ZBTB20: variants seen among roughly 807,000 people sequenced by gnomAD.
The protein encoded by ZBTB20 is zinc finger and BTB domain containing 20.
In ZBTB20, 9 loss-of-function variants were observed where a neutral mutation model predicts 56.9. The ratio of observed to expected loss-of-function variants is 0.16; its 90% CI spans 0.10 to 0.28. The LOEUF (loss-of-function observed/expected upper bound fraction) is 0.28. Ranked by LOEUF, ZBTB20 falls within the 10% of genes least tolerant of loss-of-function variation. The pLI is 1.00. For synonymous variants in ZBTB20, 417 were observed against 420.7 expected, an observed-to-expected ratio of 0.99 and a Z score of 0.11; for missense variants, 655 against 1,003.0, an observed-to-expected ratio of 0.65 and a Z score of 4.69.
At chr3:114,921,539 G>A (rs2075959261) in intron 3 of ZBTB20, among the ~76,000 whole-genome samples, 1 of 152,034 alleles carries the variant, frequency 6.6e-6, no homozygotes, top group South Asian at 2.1e-4. Flanking sequence ...CTCATTTCAA[G>A]GCCAGCATTG....
chr3:115,064,296 A>T (rs993645122), intron 2 of ZBTB20, among the ~76,000 whole-genome samples: 1 of 152,060 alleles, frequency 6.6e-6, no homozygotes, highest in African/African-American at 2.4e-5. Context: ...GACGTAGCAT[A>T]CCCTTGAAAC....
rs544590002 is a variant in ZBTB20, at chr3:114,588,424, C to T, written c.-294-88033G>A. Among the ~76,000 whole-genome samples the T allele has an allele frequency of 1.1e-4, 17 of 152,270 alleles. No homozygotes were observed. The East Asian group carries it at 1.9e-3, about 17-fold the overall frequency. On this transcript the variant is annotated intron_variant, in intron 6 of 11. Coordinates refer to ENST00000675478, the MANE Select transcript of ZBTB20 (RefSeq NM_001348800.3). The stretch of plus-strand genomic sequence containing the variant: ...CTGAACATTATGTGTGGAATGGCTC[C>T]TTTCCTTGATGGGTGGCAAATAATA...
At chr3:114,577,404 A>C (rs1321565208) in intron 6 of ZBTB20, among the ~76,000 whole-genome samples, 1 of 152,222 alleles carries the variant, frequency 6.6e-6, no homozygotes, top group East Asian at 1.9e-4. Flanking sequence ...AAAAAACATA[A>C]TAAAGAGAGA....
intron 2 of ZBTB20, among the ~76,000 whole-genome samples, chr3:115,015,484 G>A (rs1270194198): frequency 1.3e-5 from 2 of 151,480 alleles, no homozygotes; most frequent in East Asian, 3.9e-4. Context: ...AAACCCCTGA[G>A]AGGCCCCAGT....
At chr3:114,808,905 G>T (rs904321488) in intron 4 of ZBTB20, among the ~76,000 whole-genome samples, 11 of 148,072 alleles carry the variant, frequency 7.4e-5, no homozygotes, top group Non-Finnish European at 1.5e-5. Flanking sequence ...GTTTATTTGG[G>T]ATATCTTTAT....
intron 3 of ZBTB20, among the ~76,000 whole-genome samples, chr3:114,908,281 C>A (rs2107696317): frequency 1.3e-5 from 2 of 151,962 alleles, no homozygotes; most frequent in Admixed American, 1.3e-4. Context: ...AATATATAAA[C>A]ATCAAATACA....
chr3:114,337,454 A>C lies in ZBTB20; in HGVS notation c.*1551T>G, dbSNP rs1220868622. On this transcript the variant is annotated 3_prime_UTR_variant, in exon 12 of 12. Transcript: ENST00000675478. ...AGAAATTCTAGAATTGTAAGATCTC[A>C]ATGAAATTTTGGAGAAGCAAGCAAT... is the stretch of plus-strand genomic sequence containing the variant. The C allele has an allele frequency of 2.0e-5, 3 of 152,374 alleles. No individual in the cohort carries two copies. In the East Asian group the frequency reaches 5.8e-4, roughly 29 times the overall value. 9.4% of individuals were successfully genotyped at this position (152,374 alleles called of 1,614,324 possible).
chr3:114,765,094 T>C (rs1032913988), intron 5 of ZBTB20, among the ~76,000 whole-genome samples: 2 of 152,070 alleles, frequency 1.3e-5, no homozygotes, highest in Non-Finnish European at 2.9e-5. Context: ...GAGGGAGAAA[T>C]AAAAGTATGC....
chr3:115,071,462 A>T (rs2082406312), intron 1 of ZBTB20, 48 bp from the exon 2 acceptor site: 1 of 152,168 alleles, frequency 6.6e-6, no homozygotes, highest in Non-Finnish European at 1.5e-5. Context: ...GCCAAAAAAA[A>T]TTTCAACTAT....
intron 4 of ZBTB20, among the ~76,000 whole-genome samples, chr3:114,805,777 G>A (rs1454331077): frequency 6.6e-6 from 1 of 151,722 alleles, no homozygotes; most frequent in Non-Finnish European, 1.5e-5. Flanking sequence ...CCTAGACCCA[G>A]ACAACAAATA....
chr3:114,969,169 T>C (rs76338469), intron 3 of ZBTB20, among the ~76,000 whole-genome samples: 2,748 of 152,264 alleles, frequency 0.018, 78 homozygotes, highest in African/African-American at 0.06. Context: ...TCAACAGTTA[T>C]CTATAACATC....
intron 3 of ZBTB20, among the ~76,000 whole-genome samples, chr3:114,929,365 G>A (rs927186115): frequency 6.6e-6 from 1 of 152,198 alleles, no homozygotes; most frequent in Admixed American, 6.5e-5. Flanking sequence ...TGGGCAGAAG[G>A]CCAGGACCCA....
intron 2 of ZBTB20, among the ~76,000 whole-genome samples, chr3:114,976,832 T>C (rs571910370): frequency 1.3e-5 from 2 of 152,270 alleles, no homozygotes; most frequent in African/African-American, 4.8e-5. Flanking sequence ...GTTCCTTAAA[T>C]AGTGCCTAGC....
intron 5 of ZBTB20, among the ~76,000 whole-genome samples, chr3:114,760,463 G>A (rs1010754768): frequency 6.6e-6 from 1 of 152,124 alleles, no homozygotes; most frequent in Non-Finnish European, 1.5e-5. Context: ...AAGTACCAGT[G>A]GTGAGAAGAA....
intron 6 of ZBTB20, among the ~76,000 whole-genome samples, chr3:114,515,952 A>G (rs566329459): frequency 1.3e-5 from 2 of 151,292 alleles, no homozygotes; most frequent in South Asian, 4.2e-4. Context: ...GCTCCCGTTT[A>G]TTCCTCAAAC....
intron 1 of ZBTB20, among the ~76,000 whole-genome samples, chr3:115,144,277 C>G (rs1341824509): frequency 2.6e-5 from 4 of 152,118 alleles, no homozygotes; most frequent in African/African-American, 9.7e-5. Flanking sequence ...TCTAAAACAA[C>G]CTAATTATTC....
rs77315585 is a variant in ZBTB20 at position 115,004,838 on chromosome 3, C to G, written c.-506-30422G>C. On this transcript the variant is annotated intron_variant, in intron 2 of 11. Transcript: ENST00000675478. ...TTTGGCTATAATTGGTCAGATTTAT[C>G]TGTCTTCATTTCAAGGATCTCTATG... Among the ~76,000 whole-genome samples the G allele has an allele frequency of 3.8e-3, 574 of 151,844 alleles. 4 individuals are homozygous for G. Among genetic ancestry groups the G allele is most frequent in the African/African-American group, 0.013 (534 of 41,484 alleles).
At chr3:115,139,832 G>C (rs2084760566) in intron 1 of ZBTB20, among the ~76,000 whole-genome samples, 1 of 151,996 alleles carries the variant, frequency 6.6e-6, no homozygotes, top group Non-Finnish European at 1.5e-5. Flanking sequence ...CCTGAGTTAA[G>C]ATGAGTTGGC....
intron 5 of ZBTB20, among the ~76,000 whole-genome samples, chr3:114,703,342 G>A (rs113300736): frequency 2.0e-5 from 3 of 152,012 alleles, no homozygotes; most frequent in Non-Finnish European, 4.4e-5. Flanking sequence ...CAACAACTTT[G>A]GCAGTTTTGT....
Sources: gnomAD v4.1 joint callset for allele counts (sites outside exome capture counted in the v4.1 genomes callset) on GRCh38, gnomAD v4.1.1 for gene constraint, MANE v1.5 for transcripts, NCBI Gene and HGNC (gene_info 2026-07-23, HGNC 2026-07-21) for gene names.